Variants in NBEA observed in about 807,000 individuals in gnomAD.
NBEA encodes neurobeachin.
Under a neutral mutation model 343.4 loss-of-function variants are expected in NBEA, and 44 were observed. The observed-to-expected ratio is 0.13, with a 90% CI of 0.10 to 0.16. NBEA has a LOEUF of 0.16. Ranked by LOEUF, NBEA falls within the 10% of genes least tolerant of loss-of-function variation. The pLI is 1.00. For synonymous variants in NBEA, 1,175 were observed against 1,238.7 expected, an observed-to-expected ratio of 0.95 and a Z score of 1.08; for missense variants, 2,555 against 3,631.3, an observed-to-expected ratio of 0.70 and a Z score of 7.62.
Position 35,142,248 on chromosome 13 carries a change from AT to A in NBEA, c.2337-16del. 2 of 1,539,772 alleles carry A rather than the reference AT, an allele frequency of 1.3e-6. No homozygotes were observed. The highest frequency in any genetic ancestry group is 1.1e-5 in the South Asian group (1 of 88,138). ...AATCCAATGTGTTTCATGGTGTTTTATTTTTCCTCCTTCTCTCCAGGAGAAA... is the reference window on the plus strand; with the variant it reads ...AATCCAATGTGTTTCATGGTGTTTTATTTTCCTCCTTCTCTCCAGGAGAAA... On this transcript the variant is annotated intron_variant, in intron 17 of 58. Coordinates refer to ENST00000379939, the MANE Select transcript of NBEA (RefSeq NM_001385012.1).
intron 33 of NBEA, among the ~76,000 whole-genome samples, chr13:35,225,171 G>A (rs1593826619): frequency 6.6e-6 from 1 of 152,042 alleles, no homozygotes; most frequent in African/African-American, 2.4e-5. Context: ...GTGTTCAAGG[G>A]TTCTCTTTTG....
intron 34 of NBEA, among the ~76,000 whole-genome samples, chr13:35,286,264 G>A (rs998548477): frequency 3.3e-5 from 5 of 152,018 alleles, no homozygotes; most frequent in African/African-American, 1.2e-4. Context: ...AAAAAATGAT[G>A]TTCTTATTTT....
At chr13:34,973,288 C>T (rs2060058279) in intron 1 of NBEA, among the ~76,000 whole-genome samples, 1 of 152,084 alleles carries the variant, frequency 6.6e-6, no homozygotes, top group Admixed American at 6.5e-5. Context: ...GATTGGAGAC[C>T]TGCTAAGGAA....
chr13:34,963,712 C>G (rs893303732), intron 1 of NBEA, among the ~76,000 whole-genome samples: 51 of 151,658 alleles, frequency 3.4e-4, no homozygotes, highest in Non-Finnish European at 5.9e-5. Context: ...TCTTCCCCCC[C>G]CCGATATATT....
chr13:35,424,818 C>T (rs2152926036), intron 38 of NBEA, among the ~76,000 whole-genome samples: 1 of 152,254 alleles, frequency 6.6e-6, no homozygotes, highest in South Asian at 2.1e-4. Context: ...ATTATTGCCT[C>T]AATTTCAGAG....
At chr13:35,434,698 G>A (rs1213120710) in intron 39 of NBEA, among the ~76,000 whole-genome samples, 1 of 152,168 alleles carries the variant, frequency 6.6e-6, no homozygotes, top group Non-Finnish European at 1.5e-5. Context: ...ATGTAGAGAA[G>A]GTGAGTGGGA....
intron 23 of NBEA, among the ~76,000 whole-genome samples, chr13:35,163,691 A>G (rs896579330): frequency 4.6e-5 from 7 of 151,524 alleles, no homozygotes; most frequent in African/African-American, 1.2e-4. Context: ...TCTACATTGT[A>G]TGTTTTGTAT....
At chr13:34,971,326 G>A (rs1194085920) in intron 1 of NBEA, among the ~76,000 whole-genome samples, 1 of 152,060 alleles carries the variant, frequency 6.6e-6, no homozygotes, top group Non-Finnish European at 1.5e-5. Context: ...GGCAAACAGG[G>A]TTAGTTTGAC....
chr13:35,003,953 A>G (rs2061231195), intron 1 of NBEA, among the ~76,000 whole-genome samples: 1 of 151,966 alleles, frequency 6.6e-6, no homozygotes, highest in East Asian at 1.9e-4. Flanking sequence ...CTACCCTGAC[A>G]GGGTGTGTTG....
At chr13:35,250,618 GAATTTGTAAATGTAC>G (rs1241840123) in intron 34 of NBEA, among the ~76,000 whole-genome samples, 1 of 152,128 alleles carries the variant, frequency 6.6e-6, no homozygotes, top group African/African-American at 2.4e-5. Flanking sequence ...ATGTAAAGTT[GAATTTGTAAATGTAC>G]ATTGACTCAG....
At chr13:35,443,823 T>C (rs1426729309) in intron 39 of NBEA, among the ~76,000 whole-genome samples, 2 of 152,010 alleles carry the variant, frequency 1.3e-5, no homozygotes, top group African/African-American at 4.8e-5. Flanking sequence ...TTGGGATTTT[T>C]CTATTGAAAG....
At chr13:35,104,668 G>A (rs2065828251) in intron 11 of NBEA, among the ~76,000 whole-genome samples, 1 of 151,890 alleles carries the variant, frequency 6.6e-6, no homozygotes, top group South Asian at 2.1e-4. Flanking sequence ...CTGGTTAACT[G>A]CCACTTAGCT....
At chr13:34,963,474 A>AATTTTTGGGGGGATAC (rs1198010667) in intron 1 of NBEA, among the ~76,000 whole-genome samples, 11 of 152,038 alleles carry the variant, frequency 7.2e-5, no homozygotes, top group South Asian at 2.1e-4. Context: ...CATAATGTTG[A>AATTTTTGGGGGGATAC]AGTCCTCACC....
chr13:35,504,139 T>A (rs1485585221), intron 41 of NBEA, among the ~76,000 whole-genome samples: 1 of 152,220 alleles, frequency 6.6e-6, no homozygotes, highest in Non-Finnish European at 1.5e-5. Flanking sequence ...GAGTGAATAT[T>A]TGTTTTAGAG....
At chr13:35,057,005 C>T (rs867543522) in intron 7 of NBEA, among the ~76,000 whole-genome samples, 1 of 152,090 alleles carries the variant, frequency 6.6e-6, no homozygotes, top group Non-Finnish European at 1.5e-5. Context: ...CAGTTGGATT[C>T]TAGGTAGAGA....
At chr13:35,582,924 C>T (rs1372561451) in intron 45 of NBEA, among the ~76,000 whole-genome samples, 1 of 152,046 alleles carries the variant, frequency 6.6e-6, no homozygotes, top group East Asian at 1.9e-4. Flanking sequence ...AAAATTAAGC[C>T]TTCGAGGGAT....
At chr13:35,413,353 A>G (rs939565586) in intron 38 of NBEA, among the ~76,000 whole-genome samples, 7 of 152,000 alleles carry the variant, frequency 4.6e-5, no homozygotes, top group Non-Finnish European at 1.0e-4. Context: ...TTTCTTATGT[A>G]TTTTTTGTGT....
chr13:35,045,157 T>G (rs536858455), intron 3 of NBEA, 110 bp downstream of exon 3: 2 of 1,222,376 alleles, frequency 1.6e-6, no homozygotes, highest in African/African-American at 3.1e-5. Flanking sequence ...GAAATTGCTT[T>G]CTTCTTAAAT....
At chr13:34,990,589 C>T (rs1297766240) in intron 1 of NBEA, among the ~76,000 whole-genome samples, 2 of 150,878 alleles carry the variant, frequency 1.3e-5, no homozygotes, top group East Asian at 3.9e-4. Context: ...AACCATTCTT[C>T]CCTTAGGCCT....
Sources: allele counts gnomAD v4.1 joint callset (sites outside exome capture counted in the v4.1 genomes callset), GRCh38; gene constraint gnomAD v4.1.1; transcripts MANE v1.5; gene names NCBI Gene and HGNC (gene_info 2026-07-23, HGNC 2026-07-21).